The following SNX24 variants were observed in gnomAD, a reference collection of about 807,000 sequenced individuals.
SNX24 encodes sorting nexin 24.
A neutral mutation model predicts 28.7 loss-of-function variants in SNX24; 22 were observed. The ratio of observed to expected loss-of-function variants is 0.77; its 90% CI spans 0.55 to 1.10. SNX24 has a LOEUF of 1.10. SNX24 is among the 50% of genes least tolerant of loss of function. The pLI is 0.00. For synonymous variants in SNX24, 69 were observed against 71.5 expected (o/e 0.96, Z 0.18); for missense variants, 221 against 201.1 (o/e 1.10, Z -0.60).
intron 5 of SNX24, among the ~76,000 whole-genome samples, chr5:123,020,271 A>T (rs949785227): frequency 9.9e-5 from 15 of 152,252 alleles, no homozygotes. Flanking sequence ...TATTAAAAAG[A>T]AATGTACCCT....
chr5:122,995,092 A>G (rs1056726303), intron 3 of SNX24, among the ~76,000 whole-genome samples: 7 of 152,178 alleles, frequency 4.6e-5, no homozygotes, highest in African/African-American at 9.7e-5. Context: ...ATTCTATACC[A>G]TCTCCAATCT....
chr5:122,916,440 G>T (rs549079227), intron 1 of SNX24, among the ~76,000 whole-genome samples: 1 of 152,108 alleles, frequency 6.6e-6, no homozygotes, highest in African/African-American at 2.4e-5. Context: ...GAAGTTGAAC[G>T]TTTCTCACTT....
chr5:122,881,825 T>C (rs1383125476), intron 1 of SNX24, among the ~76,000 whole-genome samples: 1 of 151,262 alleles, frequency 6.6e-6, no homozygotes, highest in African/African-American at 2.4e-5. Context: ...GAACCTGACA[T>C]AGAAAAAACA....
chr5:122,886,352 T>A (rs1041912945), intron 1 of SNX24, among the ~76,000 whole-genome samples: 2 of 152,222 alleles, frequency 1.3e-5, no homozygotes, highest in African/African-American at 4.8e-5. Flanking sequence ...GTTTTCTGTT[T>A]ATCAAACTTA....
intron 3 of SNX24, among the ~76,000 whole-genome samples, chr5:122,975,105 T>G (rs1450873101): frequency 4.6e-5 from 7 of 152,224 alleles, no homozygotes; most frequent in Non-Finnish European, 1.0e-4. Context: ...CCAGGTGTGC[T>G]ATTCTTAAAC....
At position 123,008,008 on chromosome 5, in the gene SNX24, A is replaced by T; in HGVS notation, c.*259A>T. ...GTAGCTGCCAGCGTAGAAACCCATG[A>T]AAAGGAGGCCACAGGAGATTCCTGG... On this transcript the variant is annotated 3_prime_UTR_variant, in exon 7 of 7. Transcript: ENST00000261369. 4 of 1,146,364 alleles carry T rather than the reference A, an allele frequency of 3.5e-6. No individual in the cohort carries two copies. The highest frequency in any genetic ancestry group is 3.2e-6 in the Non-Finnish European group (3 of 931,054). The allele number at this position is 1,146,364 out of a possible 1,614,324, so 71.0% of individuals were successfully genotyped here.
chr5:122,878,903 G>A (rs1756350440), intron 1 of SNX24, among the ~76,000 whole-genome samples: 2 of 150,550 alleles, frequency 1.3e-5, no homozygotes, highest in Admixed American at 6.6e-5. Flanking sequence ...TTGAGCCCAG[G>A]AGGTCAAGGC....
At chr5:122,898,986 G>T (rs542993275) in intron 1 of SNX24, among the ~76,000 whole-genome samples, 1 of 152,218 alleles carries the variant, frequency 6.6e-6, no homozygotes, top group Non-Finnish European at 1.5e-5. Context: ...GAGGCTTACA[G>T]TGTTTATGCA....
chr5:122,903,618 A>C (rs1309606890), intron 1 of SNX24, among the ~76,000 whole-genome samples: 1 of 152,144 alleles, frequency 6.6e-6, no homozygotes, highest in African/African-American at 2.4e-5. Flanking sequence ...ATGAAGACCC[A>C]TGTTGAATGG....
intron 1 of SNX24, chr5:122,890,983 T>C (rs757280920): frequency 1.4e-6 from 2 of 1,407,620 alleles, no homozygotes; most frequent in Non-Finnish European, 9.3e-7. Flanking sequence ...TATATAAGAG[T>C]ATGAAGTGAA....
intron 3 of SNX24, among the ~76,000 whole-genome samples, chr5:122,995,828 A>G (rs390234): frequency 0.22 from 33,931 of 152,130 alleles, 4,829 homozygotes; most frequent in Non-Finnish European, 0.33. Flanking sequence ...CACCAGAGTC[A>G]CTGGGTAATT....
chr5:122,957,787 T>C (rs1760277758), intron 3 of SNX24, among the ~76,000 whole-genome samples: 1 of 152,234 alleles, frequency 6.6e-6, no homozygotes, highest in South Asian at 2.1e-4. Context: ...TTTGATGCTA[T>C]TGTGAATGGA....
chr5:122,983,432 CT>C (rs1281564054), intron 3 of SNX24, among the ~76,000 whole-genome samples: 1 of 152,172 alleles, frequency 6.6e-6, no homozygotes, highest in African/African-American at 2.4e-5. Context: ...CATATACCAT[CT>C]GCATAAAATA....
chr5:122,971,101 G>A (rs1466714495), intron 3 of SNX24, among the ~76,000 whole-genome samples: 1 of 152,228 alleles, frequency 6.6e-6, no homozygotes, highest in African/African-American at 2.4e-5. Context: ...AGCTGACAGT[G>A]TAGCCTTCAG....
intron 2 of SNX24, 42 bp downstream of exon 2, chr5:122,936,859 GATGGTATA>G: frequency 7.9e-7 from 1 of 1,271,372 alleles, no homozygotes; most frequent in East Asian, 2.3e-5. Flanking sequence ...CTATGTGGCA[GATGGTATA>G]ATGTTAACTA....
intron 1 of SNX24, among the ~76,000 whole-genome samples, chr5:122,846,260 A>G (rs1019400006): frequency 2.6e-5 from 4 of 152,134 alleles, no homozygotes; most frequent in African/African-American, 7.2e-5. Context: ...TTTCATACCT[A>G]GGACTGTGGT....
chr5:122,974,635 T>C (rs1761094276), intron 3 of SNX24, among the ~76,000 whole-genome samples: 1 of 152,242 alleles, frequency 6.6e-6, no homozygotes, highest in Non-Finnish European at 1.5e-5. Context: ...TGGCTAAGCT[T>C]ATGCGAATAC....
At chr5:123,013,071 G>A (rs948905427), downstream of SNX24, among the ~76,000 whole-genome samples, 28 of 152,160 alleles carry the variant, frequency 1.8e-4, no homozygotes, top group African/African-American at 6.8e-4. Flanking sequence ...AACTCTTGGG[G>A]GTGTTTGTTA....
intron 5 of SNX24, among the ~76,000 whole-genome samples, chr5:123,014,545 G>C (rs536713423): frequency 1.8e-4 from 28 of 151,982 alleles, no homozygotes; most frequent in African/African-American, 6.8e-4. Flanking sequence ...TTTCCACAAT[G>C]TTATAAATTG....
Sources: gnomAD v4.1 joint callset for allele counts (sites outside exome capture counted in the v4.1 genomes callset) on GRCh38, gnomAD v4.1.1 for gene constraint, MANE v1.5 for transcripts, NCBI Gene and HGNC (gene_info 2026-07-23, HGNC 2026-07-21) for gene names.